The following GALNT14 variants were observed in gnomAD, a reference collection of about 807,000 sequenced individuals.
GALNT14 encodes the protein polypeptide N-acetylgalactosaminyltransferase 14, also known as UDP-GalNAc:polypeptide N-acetylgalactosaminyltransferase 14.
GALNT14 carries 60 observed loss-of-function variants against 77.5 expected under a neutral mutation model. The ratio of observed to expected loss-of-function variants is 0.77; its 90% confidence interval spans 0.63 to 0.96. The LOEUF (loss-of-function observed/expected upper bound fraction) is 0.96. Ranked by LOEUF, GALNT14 falls within the 40% of genes least tolerant of loss-of-function variation. The pLI, the probability that GALNT14 is intolerant of heterozygous loss-of-function variation, is 0.00. For missense variants in GALNT14, 710 were observed against 731.0 expected (o/e 0.97, Z 0.33); for synonymous variants, 280 against 281.7 (o/e 0.99, Z 0.06).
chr2:30,888,132 C>T, the GALNT14 span, among the ~76,000 whole-genome samples: 27 of 152,180 alleles, frequency 1.8e-4, no homozygotes, highest in Admixed American at 6.5e-4. Context: ...TTCCTCTGAG[C>T]CAACCTGCTA....
rs1410732571 is a variant in GALNT14, at chr2:30,910,857, G to A, written c.*44C>T. 2 of 1,602,190 alleles carry A rather than the reference G, an allele frequency of 1.2e-6. No individual in the cohort carries two copies. Among genetic ancestry groups the A allele is most frequent in the South Asian group, 1.1e-5 (1 of 89,638 alleles). On this transcript the variant is annotated 3_prime_UTR_variant, in exon 15 of 15. Coordinates refer to ENST00000349752, the MANE Select transcript of GALNT14 (RefSeq NM_024572.4). ...CCAGTTTCCAGTCTGTTCTGGTCCA[G>A]GGAAGCACCACCCCATGGCCCTTGC... is the stretch of plus-strand genomic sequence containing the variant.
chr2:31,099,217 T>A (rs1052506197), intron 1 of GALNT14, among the ~76,000 whole-genome samples: 1 of 152,106 alleles, frequency 6.6e-6, no homozygotes, highest in East Asian at 1.9e-4. Flanking sequence ...GTTAAGTACA[T>A]CTTTTAACAA....
intron 7 of GALNT14, among the ~76,000 whole-genome samples, chr2:30,945,292 A>C (rs1666620803): frequency 6.6e-6 from 1 of 152,218 alleles, no homozygotes; most frequent in Non-Finnish European, 1.5e-5. Flanking sequence ...AGGTGTGAGC[A>C]GGAGGTTTGT....
chr2:31,016,348 G>A (rs1423736082), intron 1 of GALNT14, among the ~76,000 whole-genome samples: 2 of 152,050 alleles, frequency 1.3e-5, no homozygotes, highest in African/African-American at 2.4e-5. Flanking sequence ...CTCCTTATAG[G>A]CCATCTCTCC....
At chr2:30,903,209 C>T in the GALNT14 span, among the ~76,000 whole-genome samples, 1 of 152,170 alleles carries the variant, frequency 6.6e-6, no homozygotes, top group Non-Finnish European at 1.5e-5. Flanking sequence ...TAATGATGAC[C>T]TTGAACTAAT....
the GALNT14 span, among the ~76,000 whole-genome samples, chr2:30,892,717 G>A: frequency 1.3e-5 from 2 of 152,190 alleles, no homozygotes; most frequent in Non-Finnish European, 1.5e-5. Context: ...GTGTGGGTAT[G>A]GCAACATTTG....
intron 2 of GALNT14, among the ~76,000 whole-genome samples, chr2:30,980,898 A>G (rs1668949947): frequency 6.6e-6 from 1 of 152,262 alleles, no homozygotes; most frequent in Non-Finnish European, 1.5e-5. Flanking sequence ...CCTGGCCAAC[A>G]TGGCAAAACC....
At chr2:30,898,515 T>C in the GALNT14 span, among the ~76,000 whole-genome samples, 1 of 152,322 alleles carries the variant, frequency 6.6e-6, no homozygotes, top group African/African-American at 2.4e-5. Context: ...GGTGTGATTA[T>C]TAGCTCCTTC....
intron 1 of GALNT14, among the ~76,000 whole-genome samples, chr2:31,036,811 T>A (rs953198390): frequency 1.3e-5 from 2 of 152,356 alleles, no homozygotes; most frequent in East Asian, 3.9e-4. Flanking sequence ...TCAGCATTTT[T>A]AATGTAAATA....
chr2:31,097,624 T>C (rs902256014), intron 1 of GALNT14, among the ~76,000 whole-genome samples: 1 of 152,124 alleles, frequency 6.6e-6, no homozygotes, highest in African/African-American at 2.4e-5. Context: ...GGTATTATTA[T>C]CTGGACTTTT....
At chr2:31,037,780 G>A (rs1221530506) in intron 1 of GALNT14, among the ~76,000 whole-genome samples, 3 of 151,692 alleles carry the variant, frequency 2.0e-5, no homozygotes, top group South Asian at 2.1e-4. Flanking sequence ...GAATCAATAC[G>A]TCTCCCAGAC....
rs184010718 is a variant in GALNT14 at position 31,092,673 on chromosome 2, A to C, written c.129+45285T>G. The stretch of plus-strand genomic sequence containing the variant: ...CTGGGACTGGAGACCCATTTCAGTC[A>C]ATATAAAAAATCATCTTCAGCTGTC... On this transcript the variant is annotated intron_variant, in intron 1 of 14. Coordinates refer to ENST00000349752, the MANE Select transcript of GALNT14 (RefSeq NM_024572.4). Among the ~76,000 whole-genome samples, 244 of 152,308 alleles carry C rather than the reference A, an allele frequency of 1.6e-3. 2 individuals carry two copies. Among genetic ancestry groups the C allele is most frequent in the Non-Finnish European group, 2.4e-3 (164 of 68,026 alleles).
At chr2:30,901,388 T>C in the GALNT14 span, among the ~76,000 whole-genome samples, 2 of 152,000 alleles carry the variant, frequency 1.3e-5, no homozygotes, top group Non-Finnish European at 2.9e-5. Context: ...CACCATGACT[T>C]CAACTCTAAT....
the GALNT14 span, among the ~76,000 whole-genome samples, chr2:30,893,594 A>G: frequency 1.3e-5 from 2 of 152,248 alleles, no homozygotes; most frequent in African/African-American, 2.4e-5. Flanking sequence ...CATGAAGTCA[A>G]TAGATAATGT....
intron 1 of GALNT14, among the ~76,000 whole-genome samples, chr2:31,010,253 G>A (rs1254557327): frequency 1.3e-5 from 2 of 152,170 alleles, no homozygotes; most frequent in Non-Finnish European, 1.5e-5. Context: ...CTCCCAAAGT[G>A]CTGGGATTAC....
chr2:31,097,738 C>CCCTCACT, intron 1 of GALNT14, among the ~76,000 whole-genome samples: 1 of 152,210 alleles, frequency 6.6e-6, no homozygotes, highest in African/African-American at 2.4e-5. Context: ...ACACAGGTGG[C>CCCTCACT]CCTCACTCCC....
At chr2:30,986,839 A>G (rs1669329754) in intron 2 of GALNT14, 1 of 152,212 alleles carries the variant, frequency 6.6e-6, no homozygotes, top group African/African-American at 2.4e-5. Context: ...AGTGACCTGG[A>G]AATGAAGTCT....
chr2:30,983,771 CAAGTCA>C (rs1252803685), intron 2 of GALNT14, among the ~76,000 whole-genome samples: 4 of 135,316 alleles, frequency 3.0e-5, no homozygotes, highest in Non-Finnish European at 6.4e-5. Flanking sequence ...CCCCAAATCA[CAAGTCA>C]AACACACACA....
At chr2:30,994,436 G>T (rs1669899588) in intron 1 of GALNT14, among the ~76,000 whole-genome samples, 1 of 152,158 alleles carries the variant, frequency 6.6e-6, no homozygotes, top group African/African-American at 2.4e-5. Flanking sequence ...TGGGCACCAT[G>T]GTGAGCTTAT....
Sources: gnomAD v4.1 joint callset for allele counts (sites outside exome capture counted in the v4.1 genomes callset) on GRCh38, gnomAD v4.1.1 for gene constraint, MANE v1.5 for transcripts, NCBI Gene and HGNC (gene_info 2026-07-23, HGNC 2026-07-21) for gene names.